PIAS1: variants seen among roughly 807,000 people sequenced by gnomAD.
PIAS1 encodes protein inhibitor of activated STAT 1, also known as E3 SUMO-protein ligase PIAS1.
PIAS1 carries 6 observed loss-of-function variants against 71.3 expected under a neutral mutation model. The observed-to-expected ratio is 0.08, with a 90% confidence interval of 0.05 to 0.17. PIAS1 has a LOEUF of 0.17. Ranked by LOEUF, PIAS1 falls within the 10% of genes least tolerant of loss-of-function variation. The probability of loss-of-function intolerance (pLI) is 1.00; values close to 1 mark genes in which losing one functional copy is unlikely to be tolerated. For synonymous variants in PIAS1, 303 were observed against 292.9 expected, an observed-to-expected ratio of 1.03 and a Z score of -0.35; for missense variants, 555 against 793.6, an observed-to-expected ratio of 0.70 and a Z score of 3.61.
At chr15:68,156,190 AAGAC>A (rs1237469516) in intron 7 of PIAS1, among the ~76,000 whole-genome samples, 1 of 152,226 alleles carries the variant, frequency 6.6e-6, no homozygotes, top group Non-Finnish European at 1.5e-5. Context: ...TCTGGTAAGA[AAGAC>A]AGGCATTAAA....
chr15:68,166,362 C>A (rs1354765226), intron 8 of PIAS1, among the ~76,000 whole-genome samples: 1 of 145,604 alleles, frequency 6.9e-6, no homozygotes. Context: ...TTTTTTTTTT[C>A]TTTTCATGCT....
At chr15:68,073,205 G>C (rs895873829) in intron 1 of PIAS1, among the ~76,000 whole-genome samples, 2 of 152,032 alleles carry the variant, frequency 1.3e-5, no homozygotes, top group African/African-American at 4.8e-5. Context: ...TTTTAGTAGA[G>C]ACGGGGTTTC....
intron 2 of PIAS1, among the ~76,000 whole-genome samples, chr15:68,106,691 C>T (rs1282999808): frequency 6.6e-6 from 1 of 152,020 alleles, no homozygotes; most frequent in Non-Finnish European, 1.5e-5. Flanking sequence ...CCACAAAATC[C>T]CCTCCAGTTT....
intron 1 of PIAS1, among the ~76,000 whole-genome samples, chr15:68,064,626 G>A (rs909995098): frequency 3.9e-5 from 6 of 152,088 alleles, no homozygotes; most frequent in African/African-American, 7.2e-5. Context: ...TTTGGTGAAG[G>A]ATCAAAGAAT....
At chr15:68,182,255 T>C (rs2093057583) in intron 12 of PIAS1, among the ~76,000 whole-genome samples, 1 of 152,024 alleles carries the variant, frequency 6.6e-6, no homozygotes, top group Admixed American at 6.6e-5. Context: ...TCAAAAAGAA[T>C]TGTTTTTATA....
Position 68,086,235 on chromosome 15 carries a change from TAA to T in PIAS1, c.25-69_25-68del. On this transcript the variant is annotated intron_variant, in intron 1 of 13. Transcript: ENST00000249636. The surrounding 1 kb of genome is among the most constrained non-coding windows in gnomAD (Gnocchi z 7.2). Reference sequence around the variant, plus strand: ...GTAAACCATAAGAAGGGGGTTATAATAAAGTGTCATTTAATAGTGTAAATTAT... The same window carrying T: ...GTAAACCATAAGAAGGGGGTTATAATAGTGTCATTTAATAGTGTAAATTAT... The T allele has an allele frequency of 9.5e-7, 1 of 1,052,576 alleles. No homozygotes were observed. The highest frequency in any genetic ancestry group is 1.4e-6 in the Non-Finnish European group (1 of 735,224). 65.2% of individuals were successfully genotyped at this position (1,052,576 alleles called of 1,614,324 possible). A position where few individuals can be genotyped will look rare whatever the true frequency, so the allele number is the denominator to read the frequency against.
rs150378893 is a variant in PIAS1 at position 68,178,508 on chromosome 15, A to G, written c.1481+1854A>G. ...ATTACACCAATGTATTTTATGTCTGAGTAGGAGAAAAGGAAAAGTCACATT... is the reference window on the plus strand; with the variant it reads ...ATTACACCAATGTATTTTATGTCTGGGTAGGAGAAAAGGAAAAGTCACATT... On this transcript the variant is annotated intron_variant, in intron 11 of 13. Transcript: ENST00000249636. The surrounding 1 kb of genome is among the most constrained non-coding windows in gnomAD (Gnocchi z 4.2). Among the ~76,000 whole-genome samples, 188 of 152,318 alleles carry G rather than the reference A, an allele frequency of 1.2e-3. 4 individuals carry two copies. In the East Asian group the frequency reaches 0.033, roughly 27 times the overall value.
intron 7 of PIAS1, among the ~76,000 whole-genome samples, chr15:68,156,126 AAT>A (rs1427973262): frequency 1.3e-5 from 2 of 152,182 alleles, no homozygotes; most frequent in African/African-American, 4.8e-5. Context: ...GGAACAGGAG[AAT>A]ATAACATTAA....
intron 2 of PIAS1, among the ~76,000 whole-genome samples, chr15:68,111,026 A>G (rs891468952): frequency 6.6e-6 from 1 of 152,130 alleles, no homozygotes; most frequent in African/African-American, 2.4e-5. Context: ...GCATCCGTAT[A>G]TATTTGTAAG....
Position 68,146,491 on chromosome 15 carries a change from G to A in PIAS1, c.694-75G>A, listed in dbSNP as rs951752251. The A allele has an allele frequency of 8.7e-5, 94 of 1,084,616 alleles. No homozygotes were observed. In the Middle Eastern group the frequency reaches 1.9e-3, roughly 22 times the overall value. The allele number at this position is 1,084,616 out of a possible 1,614,324, so 67.2% of individuals were successfully genotyped here. On this transcript the variant is annotated intron_variant, in intron 5 of 13. Coordinates refer to ENST00000249636, the MANE Select transcript of PIAS1 (RefSeq NM_016166.3). The stretch of plus-strand genomic sequence containing the variant: ...ATTTTCTAGTATGCAGTTTGTAGGG[G>A]GTTTTTTCTTAAGGAATGGAAGTCA...
At chr15:68,076,548 A>T (rs2092167636) in intron 1 of PIAS1, among the ~76,000 whole-genome samples, 1 of 152,172 alleles carries the variant, frequency 6.6e-6, no homozygotes, top group Non-Finnish European at 1.5e-5. Flanking sequence ...CCTAGGAGAA[A>T]AGAGTCATCT....
At chr15:68,143,381 AAAT>A (rs1351526754) in intron 4 of PIAS1, among the ~76,000 whole-genome samples, 1 of 152,100 alleles carries the variant, frequency 6.6e-6, no homozygotes, top group African/African-American at 2.4e-5. Flanking sequence ...CTAAGCTTTG[AAAT>A]AATAAGGTAA....
At chr15:68,134,964 G>T (rs1165864908) in intron 2 of PIAS1, among the ~76,000 whole-genome samples, 2 of 45,700 alleles carry the variant, frequency 4.4e-5, no homozygotes, top group Non-Finnish European at 1.7e-4. Context: ...GCCGGCCGGG[G>T]GGGCTAACCC....
intron 4 of PIAS1, 40 bp from the exon 5 acceptor site, chr15:68,145,776 C>A: frequency 2.7e-6 from 3 of 1,129,102 alleles, no homozygotes; most frequent in African/African-American, 3.1e-5. Context: ...ATGAAGTCAT[C>A]CTTTAATAAA....
intron 2 of PIAS1, among the ~76,000 whole-genome samples, chr15:68,095,733 G>C (rs1439517192): frequency 6.6e-6 from 1 of 151,870 alleles, no homozygotes; most frequent in Admixed American, 6.6e-5. Context: ...GTTTCATCAT[G>C]TTGCCCAGGC....
At chr15:68,102,394 G>C (rs72759528) in intron 2 of PIAS1, among the ~76,000 whole-genome samples, 1 of 152,310 alleles carries the variant, frequency 6.6e-6, no homozygotes, top group East Asian at 1.9e-4. Flanking sequence ...ATTAGGTAGA[G>C]TAATTGCTTT....
chr15:68,163,838 A>G (rs2092940124), intron 7 of PIAS1, among the ~76,000 whole-genome samples: 1 of 152,176 alleles, frequency 6.6e-6, no homozygotes, highest in South Asian at 2.1e-4. Flanking sequence ...TAGACTTTAA[A>G]GTTATTATGG....
chr15:68,062,172 GT>G (rs1313911068), intron 1 of PIAS1, among the ~76,000 whole-genome samples: 1 of 152,162 alleles, frequency 6.6e-6, no homozygotes, highest in Non-Finnish European at 1.5e-5. Flanking sequence ...ATCAAGGGCT[GT>G]TTTAGATTTA....
At chr15:68,182,313 T>A (rs924942101) in intron 12 of PIAS1, among the ~76,000 whole-genome samples, 7 of 152,114 alleles carry the variant, frequency 4.6e-5, no homozygotes, top group African/African-American at 1.4e-4. Flanking sequence ...TCTAAGAACT[T>A]TTTTTTATTA....
Sources: gnomAD v4.1 joint callset for allele counts (sites outside exome capture counted in the v4.1 genomes callset) on GRCh38, gnomAD v4.1.1 for gene constraint, Gnocchi (gnomAD v3.1) non-coding constraint, MANE v1.5 for transcripts, NCBI Gene and HGNC (gene_info 2026-07-23, HGNC 2026-07-21) for gene names.